ADAM12: variants seen among roughly 807,000 people sequenced by gnomAD.
The protein encoded by ADAM12 is ADAM metallopeptidase domain 12.
ADAM12 carries 70 observed loss-of-function variants against 106.4 expected under a neutral mutation model. That is an observed-to-expected ratio of 0.66 (90% CI 0.54 to 0.80). The LOEUF (loss-of-function observed/expected upper bound fraction) is 0.80, where lower values mean the gene tolerates loss of function less well. Among genes scored for constraint, ADAM12 ranks in the 30% least tolerant of loss-of-function variants. ADAM12 has a pLI of 0.00. For synonymous variants in ADAM12, 420 were observed against 433.5 expected (o/e 0.97, Z 0.39); for missense variants, 1,010 against 1,171.9 (o/e 0.86, Z 2.02).
At chr10:126,109,987 T>C in intron 6 of ADAM12, 147 bp from the exon 7 acceptor site, 1 of 596,964 alleles carries the variant, frequency 1.7e-6, no homozygotes. Flanking sequence ...TCTAGAAGTT[T>C]ACCCCAACTC....
intron 1 of ADAM12, among the ~76,000 whole-genome samples, chr10:126,362,853 GT>G (rs920468016): frequency 1.4e-4 from 21 of 152,042 alleles, no homozygotes; most frequent in African/African-American, 1.9e-4. Context: ...AAGGTTTTTT[GT>G]TTTTTGAGAT....
At chr10:126,071,066 GT>G (rs1453657509) in intron 12 of ADAM12, among the ~76,000 whole-genome samples, 4 of 152,140 alleles carry the variant, frequency 2.6e-5, no homozygotes, top group Non-Finnish European at 5.9e-5. Flanking sequence ...GAAGCTCCTG[GT>G]TAAAAATGAA....
chr10:126,243,473 C>CTGTGTGTGTGTGTGTGTG (rs1215369145), intron 3 of ADAM12, among the ~76,000 whole-genome samples: 17 of 97,194 alleles, frequency 1.7e-4, no homozygotes, highest in East Asian at 9.7e-4. Flanking sequence ...GGGAGCAACT[C>CTGTGTGTGTGTGTGTGTG]TGTGTGTGTG....
rs558275239 is a variant in ADAM12, at chr10:126,143,160, GTA to G, written c.340-7502_340-7501del. On this transcript the variant is annotated intron_variant, in intron 4 of 22. Transcript: ENST00000448723. The stretch of plus-strand genomic sequence containing the variant: ...AGTGTGCATGTGTATATATGCACGT[GTA>G]TATATATGTATGTGTGTATATGGTA... Among the ~76,000 whole-genome samples, 427 of 151,094 alleles carry G rather than the reference GTA, an allele frequency of 2.8e-3. 4 individuals carry two copies. Among genetic ancestry groups the G allele is most frequent in the African/African-American group, 9.4e-3 (387 of 41,056 alleles).
intron 2 of ADAM12, among the ~76,000 whole-genome samples, chr10:126,303,173 G>A (rs563975267): frequency 7.2e-5 from 11 of 152,300 alleles, no homozygotes; most frequent in African/African-American, 2.4e-4. Context: ...GGGAAGCATC[G>A]ATATTCCTTT....
intron 1 of ADAM12, among the ~76,000 whole-genome samples, chr10:126,350,333 A>G (rs1855305682): frequency 6.6e-6 from 1 of 152,232 alleles, no homozygotes; most frequent in Non-Finnish European, 1.5e-5. Context: ...AGCATAAATC[A>G]GAGCCACATG....
intron 3 of ADAM12, among the ~76,000 whole-genome samples, chr10:126,246,928 G>C (rs1480929509): frequency 6.6e-6 from 1 of 152,184 alleles, no homozygotes; most frequent in Non-Finnish European, 1.5e-5. Context: ...AATACGAAGA[G>C]CAGAAATCAA....
chr10:126,132,219 C>T (rs762328229), intron 5 of ADAM12, among the ~76,000 whole-genome samples: 117 of 152,232 alleles, frequency 7.7e-4, no homozygotes, highest in Non-Finnish European at 1.4e-3. Context: ...GTGATCCACC[C>T]GCCTCGGCCT....
chr10:126,255,068 C>T (rs543310553), intron 3 of ADAM12, among the ~76,000 whole-genome samples: 2 of 152,304 alleles, frequency 1.3e-5, no homozygotes, highest in East Asian at 3.9e-4. Context: ...GTGGGGTCAG[C>T]TTGGACAGCT....
chr10:126,208,152 AAAG>A (rs1401864413), intron 3 of ADAM12, among the ~76,000 whole-genome samples: 1 of 152,174 alleles, frequency 6.6e-6, no homozygotes, highest in African/African-American at 2.4e-5. Context: ...TGGGAGATTT[AAAG>A]AAGCCACCAT....
intron 11 of ADAM12, among the ~76,000 whole-genome samples, chr10:126,080,689 G>A (rs1180438636): frequency 6.7e-6 from 1 of 149,700 alleles, no homozygotes; most frequent in Admixed American, 6.6e-5. Context: ...AGTTTACCAT[G>A]TTGAATGCAA....
intron 4 of ADAM12, among the ~76,000 whole-genome samples, chr10:126,153,233 C>A (rs17154341): frequency 4.6e-4 from 70 of 152,154 alleles, no homozygotes; most frequent in Non-Finnish European, 9.1e-4. Flanking sequence ...CCTTAGCTCT[C>A]AAGTTTTAAT....
chr10:126,160,880 C>G (rs149828084), intron 3 of ADAM12, among the ~76,000 whole-genome samples: 2 of 152,232 alleles, frequency 1.3e-5, no homozygotes, highest in African/African-American at 2.4e-5. Flanking sequence ...GATCCTCTCC[C>G]TCTGAGGGCC....
intron 1 of ADAM12, among the ~76,000 whole-genome samples, chr10:126,375,581 T>C (rs1336313268): frequency 2.0e-5 from 3 of 151,824 alleles, no homozygotes; most frequent in Non-Finnish European, 4.4e-5. Context: ...GGAAACAGAA[T>C]ATGTAACCTC....
chr10:126,356,867 C>T (rs1311894582), intron 1 of ADAM12, among the ~76,000 whole-genome samples: 1 of 152,096 alleles, frequency 6.6e-6, no homozygotes, highest in African/African-American at 2.4e-5. Context: ...GCTTCAACAG[C>T]AGGCTTGAGC....
chr10:126,387,912 C>G (rs1462593004), intron 1 of ADAM12, 146 bp downstream of exon 1: 2 of 1,104,900 alleles, frequency 1.8e-6, no homozygotes, highest in Non-Finnish European at 2.2e-6. Flanking sequence ...TCGGTCTCGC[C>G]GCGCTGGAAG....
At chr10:126,290,246 G>A (rs910328068) in intron 2 of ADAM12, among the ~76,000 whole-genome samples, 23 of 152,168 alleles carry the variant, frequency 1.5e-4, no homozygotes, top group South Asian at 4.1e-4. Flanking sequence ...CCGCCAGTGC[G>A]TCAAGGAGCA....
chr10:126,135,733 T>A, intron 4 of ADAM12, 73 bp from the exon 5 acceptor site: 1 of 1,302,572 alleles, frequency 7.7e-7, no homozygotes, highest in Non-Finnish European at 1.1e-6. Flanking sequence ...ATCAACTGCC[T>A]CTTGTTTTTA....
intron 17 of ADAM12, among the ~76,000 whole-genome samples, chr10:126,045,349 G>A (rs768438094): frequency 7.9e-5 from 12 of 152,218 alleles, no homozygotes; most frequent in Non-Finnish European, 1.8e-4. Flanking sequence ...CAGCATGATG[G>A]TAATTTACAA....
Sources: allele counts gnomAD v4.1 joint callset (sites outside exome capture counted in the v4.1 genomes callset), GRCh38; gene constraint gnomAD v4.1.1; transcripts MANE v1.5; gene names NCBI Gene and HGNC (gene_info 2026-07-23, HGNC 2026-07-21).